IDE: variants seen among roughly 807,000 people sequenced by gnomAD.
The protein encoded by IDE is insulin degrading enzyme, also known as insulin-degrading enzyme.
Under a neutral mutation model 133.2 loss-of-function variants are expected in IDE, and 58 were observed. The observed-to-expected ratio is 0.44, with a 90% CI of 0.35 to 0.54. The LOEUF (loss-of-function observed/expected upper bound fraction) is 0.54, where lower values mean the gene tolerates loss of function less well. Among genes scored for constraint, IDE ranks in the 20% least tolerant of loss-of-function variants. IDE has a pLI of 0.00. For missense variants in IDE, 981 were observed against 1,234.0 expected (o/e 0.79, Z 3.07); for synonymous variants, 396 against 421.3 (o/e 0.94, Z 0.73).
intron 14 of IDE, among the ~76,000 whole-genome samples, chr10:92,480,303 G>C (rs1846528731): frequency 6.6e-6 from 1 of 152,202 alleles, no homozygotes; most frequent in Non-Finnish European, 1.5e-5. Flanking sequence ...GCTTACTACA[G>C]TGCCAGGCTC....
At chr10:92,510,390 CAAT>C (rs532067433) in intron 5 of IDE, among the ~76,000 whole-genome samples, 50 of 151,886 alleles carry the variant, frequency 3.3e-4, no homozygotes, top group Non-Finnish European at 6.5e-4. Context: ...ATATTAGAAA[CAAT>C]AATAATTGCA....
intron 4 of IDE, among the ~76,000 whole-genome samples, chr10:92,517,564 C>T (rs1053245898): frequency 2.0e-5 from 3 of 152,134 alleles, no homozygotes; most frequent in Non-Finnish European, 2.9e-5. Flanking sequence ...TTTACCATCA[C>T]GTCCAGCTAT....
chr10:92,534,511 T>C lies in IDE; in HGVS notation c.491+67A>G, dbSNP rs1481383493. The stretch of plus-strand genomic sequence containing the variant: ...AATTATGAAGCCATCTCTGTGGAAA[T>C]AATAATTATTATTATTAATGTGATA... On this transcript the variant is annotated intron_variant, in intron 3 of 24. Coordinates refer to ENST00000265986, the MANE Select transcript of IDE (RefSeq NM_004969.4). 4 of 902,190 alleles carry C rather than the reference T, an allele frequency of 4.4e-6. No individual in the cohort carries two copies. The African/African-American group carries it at 6.7e-5, about 15-fold the overall frequency. 55.9% of individuals were successfully genotyped at this position (902,190 alleles called of 1,614,324 possible). A position where few individuals can be genotyped will look rare whatever the true frequency, so the allele number is the denominator to read the frequency against.
In IDE at chr10:92,455,096, C is replaced by CTAGA. The variant is rs1333815085; in HGVS notation, c.2964+476_2964+479dup. On this transcript the variant is annotated intron_variant, in intron 24 of 24. Transcript: ENST00000265986. Reference sequence around the variant, plus strand: ...GCAGACAAGGGTAGAGGCTGAGTGACTAGATGTTCAGGGAAGAACTAAAGT... The same window carrying CTAGA: ...GCAGACAAGGGTAGAGGCTGAGTGACTAGATAGATGTTCAGGGAAGAACTAAAGT... 9.2e-5 allele frequency among the ~76,000 whole-genome samples: 14 copies of CTAGA among 152,002 alleles called. 1 individual carries two copies. The highest frequency in any genetic ancestry group is 9.2e-4 in the Admixed American group (14 of 15,264).
At chr10:92,565,918 GAATTCAT>G (rs1200242995) in intron 1 of IDE, among the ~76,000 whole-genome samples, 1 of 151,738 alleles carries the variant, frequency 6.6e-6, no homozygotes, top group African/African-American at 2.4e-5. Context: ...GAGCCCAGTT[GAATTCAT>G]ATCTCGCTAA....
rs1850139337 is a variant in IDE at position 92,534,605 on chromosome 10, T to C, written c.464A>G (p.His155Arg). ...GTCTAGGGCACCTTCTAGGTGTTCA[T>C]GAGAAACATCAAAATAGTAATTGGT... ...EHTNYYFDVS[H>R]EHLEGALDRF... The change falls in exon 3 of 25, where the codon CAT (histidine) becomes CGT (arginine). Residue 155 changes from histidine to arginine, a missense_variant. By Grantham distance (29) the His-to-Arg change is conservative (BLOSUM62 0). This residue lies in a region of IDE where 321 missense variants were observed against 339.3 expected (regional missense o/e 0.95). Coordinates refer to ENST00000265986, the MANE Select transcript of IDE (RefSeq NM_004969.4). The C allele has an allele frequency of 1.2e-6, 2 of 1,612,954 alleles. No individual in the cohort carries two copies. The highest frequency in any genetic ancestry group is 1.7e-6 in the Non-Finnish European group (2 of 1,179,012).
intron 23 of IDE, 53 bp from the exon 24 acceptor site, chr10:92,455,696 A>AT: frequency 9.7e-7 from 1 of 1,029,724 alleles, no homozygotes; most frequent in Non-Finnish European, 1.5e-6. Flanking sequence ...CTATCACAAA[A>AT]GAACAAAAAA....
chr10:92,469,683 T>C (rs1845865208), intron 18 of IDE, among the ~76,000 whole-genome samples: 1 of 152,122 alleles, frequency 6.6e-6, no homozygotes, highest in Non-Finnish European at 1.5e-5. Flanking sequence ...TCCAAAGTAC[T>C]GAGATGATAG....
intron 6 of IDE, among the ~76,000 whole-genome samples, chr10:92,509,547 C>T (rs1309779386): frequency 5.9e-5 from 9 of 151,956 alleles, no homozygotes; most frequent in African/African-American, 1.9e-4. Context: ...GAGCCACGAT[C>T]GCGCCGCTGC....
chr10:92,458,942 A>G (rs1289768806), intron 22 of IDE, among the ~76,000 whole-genome samples: 1 of 152,128 alleles, frequency 6.6e-6, no homozygotes, highest in Non-Finnish European at 1.5e-5. Context: ...AGTAATTTAG[A>G]TGAGACACTT....
chr10:92,490,933 C>G (rs2135461940), intron 11 of IDE, among the ~76,000 whole-genome samples: 1 of 152,138 alleles, frequency 6.6e-6, no homozygotes, highest in Admixed American at 6.5e-5. Context: ...AGTTAAAAAA[C>G]AGTCCTAAAA....
intron 1 of IDE, among the ~76,000 whole-genome samples, chr10:92,568,730 C>A (rs1264759528): frequency 1.3e-5 from 2 of 152,056 alleles, no homozygotes; most frequent in South Asian, 4.2e-4. Context: ...GCAGGAGAAT[C>A]GCCTGAAGCT....
intron 19 of IDE, among the ~76,000 whole-genome samples, chr10:92,466,560 G>A (rs547415726): frequency 2.0e-5 from 3 of 150,338 alleles, no homozygotes; most frequent in Admixed American, 6.6e-5. Context: ...CAGGTGATCC[G>A]CCTGCTTTGG....
chr10:92,563,975 C>T (rs1479392197), intron 1 of IDE, among the ~76,000 whole-genome samples: 1 of 152,112 alleles, frequency 6.6e-6, no homozygotes. Flanking sequence ...AATTCTAGAG[C>T]TAGATGGAGG....
At chr10:92,466,365 GGAGTGAAGT>G (rs1845687703) in intron 19 of IDE, among the ~76,000 whole-genome samples, 1 of 151,838 alleles carries the variant, frequency 6.6e-6, no homozygotes, top group Admixed American at 6.6e-5. Flanking sequence ...CACCCAGGCT[GGAGTGAAGT>G]GGTGCCATCT....
chr10:92,524,378 T>C, intron 4 of IDE, among the ~76,000 whole-genome samples: 1 of 95,550 alleles, frequency 1.0e-5, no homozygotes, highest in African/African-American at 4.2e-5. Context: ...ATATATATTA[T>C]ATATAATATA....
intron 1 of IDE, among the ~76,000 whole-genome samples, chr10:92,568,792 G>A (rs1385232113): frequency 1.3e-5 from 2 of 151,798 alleles, no homozygotes; most frequent in Non-Finnish European, 2.9e-5. Context: ...CTCTAGCCTG[G>A]GCAACAAGGG....
Position 92,468,927 on chromosome 10 carries a change from G to C in IDE, c.2272C>G (p.Leu758Val). 1.9e-6 allele frequency: 3 copies of C among 1,613,272 alleles called. No individual in the cohort carries two copies. The highest frequency in any genetic ancestry group is 2.5e-6 in the Non-Finnish European group (3 of 1,179,180). The change falls in exon 19 of 25, where the codon CTC (leucine) becomes GTC (valine). Residue 758 changes from leucine (L) to valine (V), a missense_variant. Transcript: ENST00000265986. ...TLIEHAHTKP[L>V]LPSQLVRYRE... is the part of the protein sequence containing the mutation. The stretch of plus-strand genomic sequence containing the variant: ...TACCGAACCAGCTGACTTGGAAGGA[G>C]AGGTTTGGTATGAGCATGTTCAATG...
intron 1 of IDE, among the ~76,000 whole-genome samples, chr10:92,564,833 G>T (rs960715021): frequency 5.9e-5 from 9 of 151,774 alleles, no homozygotes; most frequent in Admixed American, 5.9e-4. Flanking sequence ...TAAGCAGAAC[G>T]ATCACTTGAG....
Sources: allele counts gnomAD v4.1 joint callset (sites outside exome capture counted in the v4.1 genomes callset), GRCh38; gene constraint gnomAD v4.1.1; regional missense constraint gnomAD v4.1.1; transcripts MANE v1.5; gene names NCBI Gene and HGNC (gene_info 2026-07-23, HGNC 2026-07-21).